FOXP2: variants seen among roughly 807,000 people sequenced by gnomAD.
The protein encoded by FOXP2 is forkhead box protein P2.
FOXP2 carries 12 observed loss-of-function variants against 115.8 expected under a neutral mutation model. The ratio of observed to expected loss-of-function variants is 0.10; its 90% CI spans 0.07 to 0.17. The LOEUF is 0.17. Among genes scored for constraint, FOXP2 ranks in the 10% least tolerant of loss-of-function variants. The pLI is 1.00. For synonymous variants in FOXP2, 328 were observed against 297.7 expected (o/e 1.10, Z -1.05); for missense variants, 629 against 843.5 (o/e 0.75, Z 3.15).
chr7:114,538,452 TA>T, intron 3 of FOXP2: 1 of 840,750 alleles, frequency 1.2e-6, no homozygotes, highest in Non-Finnish European at 1.7e-6. Context: ...TCCTTCATTG[TA>T]GGTTAATATA....
intron 2 of FOXP2, among the ~76,000 whole-genome samples, chr7:114,483,746 A>G (rs2129238761): frequency 1.3e-5 from 2 of 151,926 alleles, no homozygotes; most frequent in Middle Eastern, 6.8e-3. Flanking sequence ...AAGGGTGCTT[A>G]ACATGTGTTG....
chr7:114,088,550 T>C (rs1799475334), intron 1 of FOXP2, among the ~76,000 whole-genome samples: 1 of 152,268 alleles, frequency 6.6e-6, no homozygotes, highest in South Asian at 2.1e-4. Flanking sequence ...GGCATATCTT[T>C]GCAGGCTCTC....
intron 2 of FOXP2, among the ~76,000 whole-genome samples, chr7:114,442,629 T>A (rs540030497): frequency 4.8e-4 from 73 of 152,140 alleles, no homozygotes; most frequent in African/African-American, 1.7e-3. Flanking sequence ...GGCTATCATA[T>A]TTTTAGTAGA....
intron 14 of FOXP2, among the ~76,000 whole-genome samples, chr7:114,662,770 A>G (rs1280964108): frequency 6.6e-6 from 1 of 152,076 alleles, no homozygotes; most frequent in Non-Finnish European, 1.5e-5. Flanking sequence ...CTGGCTGGGA[A>G]GTTTGAATTT....
chr7:114,418,676 CA>C (rs34291892), intron 1 of FOXP2, among the ~76,000 whole-genome samples: 40,610 of 146,086 alleles, frequency 0.28, 7,153 homozygotes, highest in Non-Finnish European at 0.39. Flanking sequence ...GCTGTGGGTT[CA>C]AAAAAAAAAG....
At chr7:114,601,735 T>A (rs976893515) in intron 3 of FOXP2, among the ~76,000 whole-genome samples, 4 of 152,108 alleles carry the variant, frequency 2.6e-5, no homozygotes, top group Non-Finnish European at 5.9e-5. Context: ...TTTTAACACA[T>A]AGATTACTTA....
At chr7:114,223,208 T>C (rs1335702403) in intron 1 of FOXP2, among the ~76,000 whole-genome samples, 1 of 152,056 alleles carries the variant, frequency 6.6e-6, no homozygotes, top group Non-Finnish European at 1.5e-5. Flanking sequence ...TGCATCAGTT[T>C]ACACTTCTAC....
chr7:114,514,796 C>T lies in FOXP2; in HGVS notation c.169-19821C>T, dbSNP rs954771089. ...GTTATTTACATATGTATACATGTGC[C>T]ATGCTGGTGTGCTGCACCCATTAAC... On this transcript the variant is annotated intron_variant, in intron 2 of 16. Coordinates refer to ENST00000350908, the MANE Select transcript of FOXP2 (RefSeq NM_014491.4). Among the ~76,000 whole-genome samples, 4 of 151,122 alleles carry T rather than the reference C, an allele frequency of 2.6e-5. 1 individual carries two copies. The highest frequency in any genetic ancestry group is 4.2e-4 in the South Asian group (2 of 4,802).
intron 2 of FOXP2, among the ~76,000 whole-genome samples, chr7:114,373,006 T>A (rs1023607291): frequency 4.6e-5 from 7 of 152,142 alleles, no homozygotes; most frequent in Admixed American, 2.0e-4. Flanking sequence ...CTTCTTTTTT[T>A]TTTTGAGTTG....
At chr7:114,166,162 A>T (rs1044952338) in intron 1 of FOXP2, among the ~76,000 whole-genome samples, 2 of 152,214 alleles carry the variant, frequency 1.3e-5, no homozygotes, top group African/African-American at 4.8e-5. Context: ...CTTCTAGAAG[A>T]TAACATAGAA....
chr7:114,485,023 T>C (rs1169717920), intron 2 of FOXP2, among the ~76,000 whole-genome samples: 1 of 151,954 alleles, frequency 6.6e-6, no homozygotes, highest in Admixed American at 6.6e-5. Context: ...CTGTTTGAAA[T>C]ATATGAATTT....
chr7:114,277,416 G>C (rs536042252), intron 1 of FOXP2, among the ~76,000 whole-genome samples: 25 of 152,024 alleles, frequency 1.6e-4, no homozygotes, highest in Admixed American at 5.9e-4. Context: ...AGTACCTAGA[G>C]AGCATCTTGT....
chr7:114,405,290 C>A (rs1793007368), intron 2 of FOXP2, among the ~76,000 whole-genome samples: 1 of 151,820 alleles, frequency 6.6e-6, no homozygotes, highest in Admixed American at 6.6e-5. Flanking sequence ...AGCAGTAATT[C>A]ATTCAGAAGT....
intron 1 of FOXP2, among the ~76,000 whole-genome samples, chr7:114,221,892 T>C (rs1794631815): frequency 6.6e-6 from 1 of 152,034 alleles, no homozygotes; most frequent in Non-Finnish European, 1.5e-5. Context: ...TCATTCTTCA[T>C]GCTCTTCTCC....
In FOXP2 at chr7:114,356,112, G is replaced by C. The variant is rs145354074; in HGVS notation, c.-11+68003G>C. 2.6e-3 allele frequency among the ~76,000 whole-genome samples: 399 copies of C among 152,196 alleles called. 2 individuals are homozygous for C. Among genetic ancestry groups the C allele is most frequent in the African/African-American group, 9.3e-3 (385 of 41,528 alleles). Reference sequence around the variant, plus strand: ...CAGGACTAAATGGCTTTCCCCCGTAGAAAGGCCCAAATTATAAAAACTAGC... The same window carrying C: ...CAGGACTAAATGGCTTTCCCCCGTACAAAGGCCCAAATTATAAAAACTAGC... On this transcript the variant is annotated intron_variant, in intron 2 of 17. Transcript: ENST00000634411.
chr7:114,519,647 T>C (rs987815702), intron 2 of FOXP2, among the ~76,000 whole-genome samples: 2 of 152,132 alleles, frequency 1.3e-5, no homozygotes, highest in African/African-American at 2.4e-5. Context: ...AGTGCCAAAA[T>C]GTGTCCTCCA....
At chr7:114,313,836 A>C (rs1357192697) in intron 2 of FOXP2, among the ~76,000 whole-genome samples, 1 of 152,132 alleles carries the variant, frequency 6.6e-6, no homozygotes, top group African/African-American at 2.4e-5. Context: ...AGGATATATA[A>C]TTCTAACACA....
At chr7:114,332,610 CT>C (rs373804302) in intron 2 of FOXP2, among the ~76,000 whole-genome samples, 1 of 152,040 alleles carries the variant, frequency 6.6e-6, no homozygotes, top group Non-Finnish European at 1.5e-5. Context: ...CTGAGCATCT[CT>C]TTTTTATTTT....
At chr7:114,511,792 A>G (rs1286609512) in intron 2 of FOXP2, among the ~76,000 whole-genome samples, 2 of 152,154 alleles carry the variant, frequency 1.3e-5, no homozygotes, top group Non-Finnish European at 2.9e-5. Context: ...TTGAAAGCTA[A>G]CATATTCTTT....
Sources: allele counts gnomAD v4.1 joint callset (sites outside exome capture counted in the v4.1 genomes callset), GRCh38; gene constraint gnomAD v4.1.1; transcripts MANE v1.5; gene names NCBI Gene and HGNC (gene_info 2026-07-23, HGNC 2026-07-21).